Variants in GAS7 observed in about 807,000 individuals in gnomAD.
The protein encoded by GAS7 is growth arrest-specific protein 7.
GAS7 carries 28 observed loss-of-function variants against 71.1 expected under a neutral mutation model. The observed-to-expected ratio is 0.39, with a 90% CI of 0.29 to 0.54. The LOEUF (loss-of-function observed/expected upper bound fraction) is 0.54, where lower values mean the gene tolerates loss of function less well. Ranked by LOEUF, GAS7 falls within the 20% of genes least tolerant of loss-of-function variation. GAS7 has a pLI of 0.62. For synonymous variants in GAS7, 258 were observed against 245.8 expected (o/e 1.05, Z -0.46); for missense variants, 436 against 627.8 (o/e 0.69, Z 3.27).
At chr17:10,128,281 C>G (rs1297817588) in intron 1 of GAS7, among the ~76,000 whole-genome samples, 1 of 152,248 alleles carries the variant, frequency 6.6e-6, no homozygotes, top group Non-Finnish European at 1.5e-5. Flanking sequence ...AAATCAAGGC[C>G]AAGAAACAAC....
At chr17:10,090,483 C>G (rs1475357145) in intron 1 of GAS7, among the ~76,000 whole-genome samples, 2 of 152,142 alleles carry the variant, frequency 1.3e-5, no homozygotes, top group African/African-American at 4.8e-5. Context: ...CACCTCACAG[C>G]CGACAGAGAC....
chr17:10,084,650 A>T (rs536916415), intron 1 of GAS7, among the ~76,000 whole-genome samples: 13 of 152,252 alleles, frequency 8.5e-5, no homozygotes, highest in African/African-American at 3.1e-4. Context: ...TATTTTTAGT[A>T]GAGATGGGGT....
intron 8 of GAS7, 45 bp downstream of exon 8, chr17:9,940,081 T>G: frequency 9.5e-7 from 1 of 1,051,242 alleles, no homozygotes; most frequent in Non-Finnish European, 1.5e-6. Context: ...CCTTCCTCAG[T>G]GACCCCCCAT....
chr17:10,021,179 A>G (rs1015704194), intron 1 of GAS7, among the ~76,000 whole-genome samples: 1 of 152,200 alleles, frequency 6.6e-6, no homozygotes, highest in African/African-American at 2.4e-5. Flanking sequence ...AGTAGCCATG[A>G]ATTTCTCAGC....
At chr17:10,067,869 T>A (rs1444492013) in intron 1 of GAS7, among the ~76,000 whole-genome samples, 1 of 152,164 alleles carries the variant, frequency 6.6e-6, no homozygotes, top group South Asian at 2.1e-4. Flanking sequence ...CATAACTGAA[T>A]CAGGTCCTTC....
At chr17:9,939,570 G>T (rs1401649012) in intron 8 of GAS7, among the ~76,000 whole-genome samples, 2 of 152,120 alleles carry the variant, frequency 1.3e-5, no homozygotes, top group African/African-American at 4.8e-5. Flanking sequence ...TCAACATCTG[G>T]AACGTGGCTC....
intron 1 of GAS7, among the ~76,000 whole-genome samples, chr17:10,101,471 A>G (rs1466758411): frequency 1.3e-5 from 2 of 152,200 alleles, no homozygotes; most frequent in Non-Finnish European, 2.9e-5. Context: ...TCCCGCCCAC[A>G]CTCAAGGGGA....
chr17:10,085,052 GTTC>G (rs1172080214), intron 1 of GAS7, among the ~76,000 whole-genome samples: 4 of 152,150 alleles, frequency 2.6e-5, no homozygotes, highest in East Asian at 1.9e-4. Flanking sequence ...CTATAAGACT[GTTC>G]TTATTATTCC....
chr17:9,936,158 A>G (rs1021642650), intron 8 of GAS7, among the ~76,000 whole-genome samples: 4 of 152,162 alleles, frequency 2.6e-5, no homozygotes, highest in Non-Finnish European at 5.9e-5. Flanking sequence ...GATGCCTCCT[A>G]GCTCTAGGGT....
chr17:10,146,230 AG>A (rs939804779), intron 1 of GAS7, among the ~76,000 whole-genome samples: 1 of 152,178 alleles, frequency 6.6e-6, no homozygotes, highest in African/African-American at 2.4e-5. Context: ...ATTAAATTGA[AG>A]GCGCAGATAA....
At chr17:9,986,186 T>C (rs750336009) in intron 2 of GAS7, among the ~76,000 whole-genome samples, 46 of 152,170 alleles carry the variant, frequency 3.0e-4, no homozygotes, top group Non-Finnish European at 1.2e-4. Flanking sequence ...GATTCCCACC[T>C]GATGTGCTCT....
At position 10,036,458 on chromosome 17, in the gene GAS7, T is replaced by C. The variant is rs1177709757; in HGVS notation, c.184-16561A>G. 9 of 1,613,652 alleles carry C rather than the reference T, an allele frequency of 5.6e-6. No homozygotes were observed. In the South Asian group the frequency reaches 8.8e-5, roughly 16 times the overall value. ...CCATCAGAGAACAGCTAACCTTCTCTGGGGGCTGCTACCTCAGAGGAGAGT... is the reference window on the plus strand; with the variant it reads ...CCATCAGAGAACAGCTAACCTTCTCCGGGGGCTGCTACCTCAGAGGAGAGT... On this transcript the variant is annotated intron_variant, in intron 1 of 13. Coordinates refer to ENST00000432992, the MANE Select transcript of GAS7 (RefSeq NM_201433.2).
intron 1 of GAS7, among the ~76,000 whole-genome samples, chr17:10,071,721 T>C (rs113451095): frequency 0.046 from 6,941 of 152,022 alleles, 195 homozygotes; most frequent in Middle Eastern, 0.068. Context: ...GGTCAGGAGT[T>C]CAAGACCAGC....
intron 1 of GAS7, among the ~76,000 whole-genome samples, chr17:10,083,531 G>T (rs2152252510): frequency 6.6e-6 from 1 of 152,364 alleles, no homozygotes; most frequent in South Asian, 2.1e-4. Flanking sequence ...CTGCCCAGTT[G>T]GCCTTCCCAG....
intron 2 of GAS7, among the ~76,000 whole-genome samples, chr17:10,010,162 T>G (rs1460837639): frequency 6.6e-6 from 1 of 152,034 alleles, no homozygotes; most frequent in African/African-American, 2.4e-5. Context: ...TTTTTCTTTC[T>G]TTTTTGGGGG....
At chr17:9,998,625 G>C (rs1205434819) in intron 2 of GAS7, among the ~76,000 whole-genome samples, 3 of 149,024 alleles carry the variant, frequency 2.0e-5, no homozygotes, top group Non-Finnish European at 4.4e-5. Context: ...GGAAAAGACA[G>C]AAAGAAAAAA....
chr17:10,068,245 G>A lies in GAS7; in HGVS notation c.184-48348C>T, dbSNP rs997069798. Among the ~76,000 whole-genome samples the A allele has an allele frequency of 2.0e-5, 3 of 152,074 alleles. No individual in the cohort carries two copies. In the East Asian group the frequency reaches 5.8e-4, roughly 29 times the overall value. ...GAAGCATCATCAACTCCTTCAGGGC[G>A]CTTCCCTAAGTTTGATCCTAGGAGA... On this transcript the variant is annotated intron_variant, in intron 1 of 13. Coordinates refer to ENST00000432992, the MANE Select transcript of GAS7 (RefSeq NM_201433.2).
At position 9,913,326 on chromosome 17, in the gene GAS7, G is replaced by A. The variant is rs2067490835; in HGVS notation, c.*3902C>T. The stretch of plus-strand genomic sequence containing the variant: ...AAGTGCTCTCTCCGACCTACACAAG[G>A]AATGCATCTTGAGCCTTCTGTTTAA... On this transcript the variant is annotated 3_prime_UTR_variant, in exon 14 of 14. Coordinates refer to ENST00000432992, the MANE Select transcript of GAS7 (RefSeq NM_201433.2). The A allele has an allele frequency of 8.6e-6, 2 of 232,548 alleles. No homozygotes were observed. Among genetic ancestry groups the A allele is most frequent in the Admixed American group, 5.6e-5 (1 of 17,760 alleles). The allele number at this position is 232,548 out of a possible 1,614,324, so 14.4% of individuals were successfully genotyped here. A position where few individuals can be genotyped will look rare whatever the true frequency, so the allele number is the denominator to read the frequency against.
rs1164151104 is a variant in GAS7, at chr17:10,167,044, C to CTTT, written c.183+31161_183+31163dup. Among the ~76,000 whole-genome samples, 47 of 58,814 alleles carry CTTT rather than the reference C, an allele frequency of 8.0e-4. 6 individuals carry two copies. The highest frequency in any genetic ancestry group is 2.0e-3 in the African/African-American group (25 of 12,298). 38.6% of individuals were successfully genotyped at this position (58,814 alleles called of 152,430 possible). A position where few individuals can be genotyped will look rare whatever the true frequency, so the allele number is the denominator to read the frequency against. ...AAACCAATCTACTATTTCCATTTGT[C>CTTT]TTTTTTTTTTTTTTTTTTTTTTTTT... is the stretch of plus-strand genomic sequence containing the variant. On this transcript the variant is annotated intron_variant, in intron 1 of 13. Transcript: ENST00000432992.
Sources: allele counts gnomAD v4.1 joint callset (sites outside exome capture counted in the v4.1 genomes callset), GRCh38; gene constraint gnomAD v4.1.1; transcripts MANE v1.5; gene names NCBI Gene and HGNC (gene_info 2026-07-23, HGNC 2026-07-21).